The following TFCP2 variants were observed in gnomAD, a reference collection of about 807,000 sequenced individuals.
TFCP2 encodes the protein alpha-globin transcription factor CP2.
Under a neutral mutation model 73.4 loss-of-function variants are expected in TFCP2, and 33 were observed. The ratio of observed to expected loss-of-function variants is 0.45; its 90% CI spans 0.34 to 0.60. The LOEUF is 0.60. Among genes scored for constraint, TFCP2 ranks in the 20% least tolerant of loss-of-function variants. The pLI is 0.01. For synonymous variants in TFCP2, 193 were observed against 211.6 expected (o/e 0.91, Z 0.76); for missense variants, 352 against 604.0 (o/e 0.58, Z 4.37).
intron 6 of TFCP2, among the ~76,000 whole-genome samples, chr12:51,108,311 G>C (rs1940306525): frequency 6.6e-6 from 1 of 151,360 alleles, no homozygotes; most frequent in Non-Finnish European, 1.5e-5. Flanking sequence ...GAGGGAAGTA[G>C]AAGAACACAT....
intron 1 of TFCP2, among the ~76,000 whole-genome samples, chr12:51,133,937 AAC>A (rs1395742431): frequency 2.0e-5 from 3 of 151,602 alleles, no homozygotes; most frequent in African/African-American, 7.3e-5. Flanking sequence ...AAAAAAAAAA[AAC>A]GAAAGAAAGA....
intron 1 of TFCP2, among the ~76,000 whole-genome samples, chr12:51,165,250 A>C (rs571995531): frequency 1.5e-4 from 23 of 152,238 alleles, no homozygotes; most frequent in African/African-American, 5.1e-4. Context: ...TAGAAATAAA[A>C]ATCCTCAAGA....
chr12:51,101,524 T>C (rs1000545800), intron 11 of TFCP2, among the ~76,000 whole-genome samples: 1 of 152,130 alleles, frequency 6.6e-6, no homozygotes, highest in African/African-American at 2.4e-5. Context: ...GCCCACAACC[T>C]TGTTTTTTGC....
Position 51,172,496 on chromosome 12 carries a change from G to A in TFCP2, c.-74C>T. ...CGGAGGGTAATTCTACCCAACAGGA[G>A]TAACGCAAACCAAGAAAACTACAAA... On this transcript the variant is annotated 5_prime_UTR_variant, in exon 1 of 15. Coordinates refer to ENST00000257915, the MANE Select transcript of TFCP2 (RefSeq NM_005653.5). 1.1e-5 allele frequency: 17 copies of A among 1,591,376 alleles called. No individual in the cohort carries two copies. Among genetic ancestry groups the A allele is most frequent in the Non-Finnish European group, 1.4e-5 (16 of 1,170,302 alleles).
intron 14 of TFCP2, 72 bp downstream of exon 14, chr12:51,095,917 G>T: frequency 8.8e-7 from 1 of 1,134,626 alleles, no homozygotes; most frequent in Non-Finnish European, 1.3e-6. Flanking sequence ...TCTCCTCAAA[G>T]AAGTATGTAC....
At chr12:51,130,505 AG>A (rs1350131569) in intron 1 of TFCP2, among the ~76,000 whole-genome samples, 5 of 151,920 alleles carry the variant, frequency 3.3e-5, no homozygotes, top group Non-Finnish European at 7.4e-5. Flanking sequence ...GACTGTGTTT[AG>A]GGATCCTATT....
chr12:51,098,360 T>G (rs1592785999), intron 13 of TFCP2, among the ~76,000 whole-genome samples: 1 of 152,260 alleles, frequency 6.6e-6, no homozygotes, highest in East Asian at 1.9e-4. Context: ...GCGCAGTGGC[T>G]CACATCTGGA....
At position 51,109,189 on chromosome 12, in the gene TFCP2, T is replaced by C; in HGVS notation, c.649A>G (p.Lys217Glu). 1.2e-6 allele frequency: 2 copies of C among 1,614,212 alleles called. No homozygotes were observed. The highest frequency in any genetic ancestry group is 8.5e-7 in the Non-Finnish European group (1 of 1,180,038). ...GTATATTCCCCGTTTTCATTCTCCTTGAAGGTATCTATTTGTACTCGGAAT... is the reference window on the plus strand; with the variant it reads ...GTATATTCCCCGTTTTCATTCTCCTCGAAGGTATCTATTTGTACTCGGAAT... ...VPFRVQIDTF[K>E]ENENGEYTEH... Residue 217 changes from lysine (K) to glutamate (E), a missense_variant, in exon 6 of 15, where the codon AAG becomes GAG. Lys to Glu is a moderately conservative substitution (Grantham distance 56). Coordinates refer to ENST00000257915, the MANE Select transcript of TFCP2 (RefSeq NM_005653.5).
intron 1 of TFCP2, among the ~76,000 whole-genome samples, chr12:51,157,219 A>G (rs1156253993): frequency 2.6e-5 from 4 of 151,944 alleles, no homozygotes; most frequent in Non-Finnish European, 5.9e-5. Flanking sequence ...ACGGGGTTTC[A>G]CTATGTTGGC....
At chr12:51,153,181 C>T (rs1307459421) in intron 1 of TFCP2, among the ~76,000 whole-genome samples, 1 of 152,144 alleles carries the variant, frequency 6.6e-6, no homozygotes, top group Non-Finnish European at 1.5e-5. Flanking sequence ...TCTAGACCAG[C>T]CTGGGCAACA....
intron 5 of TFCP2, among the ~76,000 whole-genome samples, chr12:51,110,524 C>T (rs1320332958): frequency 6.6e-6 from 1 of 152,098 alleles, no homozygotes; most frequent in Admixed American, 6.6e-5. Context: ...GCCGAGATTG[C>T]ACCACTCCAC....
Position 51,095,289 on chromosome 12 carries a change from AAAG to A in TFCP2, c.1472-14_1472-12del. 6.2e-7 allele frequency: 1 copy of A among 1,613,824 alleles called. No individual in the cohort carries two copies. The stretch of plus-strand genomic sequence containing the variant: ...TATCATTGGTTTCTGCTGTTAAAAA[AAAG>A]AGAGAGAGAGAATCATCTTTAGTCA... On this transcript the variant is annotated splice_polypyrimidine_tract_variant and intron_variant, in intron 14 of 14. Transcript: ENST00000257915.
chr12:51,140,271 A>G (rs1425810566), intron 1 of TFCP2, among the ~76,000 whole-genome samples: 3 of 151,920 alleles, frequency 2.0e-5, no homozygotes, highest in African/African-American at 4.8e-5. Flanking sequence ...AAGAACCTGA[A>G]AAGGACTCAA....
intron 1 of TFCP2, among the ~76,000 whole-genome samples, chr12:51,136,135 T>A (rs1420017077): frequency 1.3e-5 from 2 of 151,774 alleles, no homozygotes; most frequent in Non-Finnish European, 2.9e-5. Context: ...TGAAACCCCG[T>A]CTCTACTAAA....
chr12:51,099,995 T>C (rs1177114805), intron 11 of TFCP2, among the ~76,000 whole-genome samples: 1 of 152,160 alleles, frequency 6.6e-6, no homozygotes, highest in African/African-American at 2.4e-5. Flanking sequence ...AGACATCATA[T>C]AAACCTCTGA....
intron 1 of TFCP2, among the ~76,000 whole-genome samples, chr12:51,164,596 C>G (rs80030162): frequency 3.1e-5 from 3 of 96,862 alleles, no homozygotes; most frequent in Non-Finnish European, 6.2e-5. Flanking sequence ...GACTCCATCT[C>G]GAAAAAAAAA....
Position 51,102,002 on chromosome 12 carries a change from T to C in TFCP2, c.1084A>G (p.Arg362Gly). Residue 362 changes from arginine (R) to glycine (G), a missense_variant, in exon 11 of 15, where the codon AGA (arginine) becomes GGA (glycine). Arg to Gly is a moderately radical substitution (Grantham distance 125). Around this residue, in one of 6 missense-constraint regions of TFCP2, gnomAD observed 194 missense variants for 256.3 expected, o/e 0.76. Transcript: ENST00000257915. ...FSGADLLKLT[R>G]DDVIQICGPA... ...CCACAGATTTGGATCACATCATCTCTAGTTAATTTCAATAAATCTGCCCCT... is the reference window on the plus strand; with the variant it reads ...CCACAGATTTGGATCACATCATCTCCAGTTAATTTCAATAAATCTGCCCCT... 6.2e-7 allele frequency: 1 copy of C among 1,612,458 alleles called. No individual in the cohort carries two copies.
At chr12:51,168,727 T>C (rs567326516) in intron 1 of TFCP2, among the ~76,000 whole-genome samples, 359 of 152,164 alleles carry the variant, frequency 2.4e-3, no homozygotes, top group African/African-American at 8.4e-3. Context: ...CAAGCAGTCC[T>C]CCCACCTTGG....
chr12:51,141,987 G>A (rs1272829695), intron 1 of TFCP2, among the ~76,000 whole-genome samples: 1 of 150,038 alleles, frequency 6.7e-6, no homozygotes, highest in African/African-American at 2.4e-5. Flanking sequence ...GGTGGATCAC[G>A]AGGTCAGGAG....
Sources: gnomAD v4.1 joint callset for allele counts (sites outside exome capture counted in the v4.1 genomes callset) on GRCh38, gnomAD v4.1.1 for gene constraint, gnomAD v4.1.1 regional missense constraint, MANE v1.5 for transcripts, NCBI Gene and HGNC (gene_info 2026-07-23, HGNC 2026-07-21) for gene names.